Variants in ATAD1 observed in about 807,000 individuals in gnomAD.
The protein encoded by ATAD1 is ATPase family AAA domain containing 1, also known as outer mitochondrial transmembrane helix translocase.
A neutral mutation model predicts 42.7 loss-of-function variants in ATAD1; 18 were observed. That is an observed-to-expected ratio of 0.42 (90% CI 0.29 to 0.63). ATAD1 has a LOEUF of 0.63. Ranked by LOEUF, ATAD1 falls within the 20% of genes least tolerant of loss-of-function variation. ATAD1 has a pLI of 0.19. For synonymous variants in ATAD1, 132 were observed against 143.1 expected (o/e 0.92, Z 0.55); for missense variants, 294 against 440.4 (o/e 0.67, Z 2.98).
At chr10:87,799,793 TTA>T (rs142581488) in intron 2 of ATAD1, among the ~76,000 whole-genome samples, 39,591 of 145,106 alleles carry the variant, frequency 0.27, 5,318 homozygotes, top group Middle Eastern at 0.29. Flanking sequence ...ATTTTTTTTT[TTA>T]AAAAGTGTGT....
At chr10:87,774,802 A>T (rs921458668) in intron 6 of ATAD1, among the ~76,000 whole-genome samples, 1 of 151,932 alleles carries the variant, frequency 6.6e-6, no homozygotes, top group Non-Finnish European at 1.5e-5. Flanking sequence ...AAAACACCAA[A>T]ATTAGCCAGG....
intron 4 of ATAD1, among the ~76,000 whole-genome samples, chr10:87,789,982 G>GAAAAC (rs895537103): frequency 1.8e-3 from 269 of 152,108 alleles, no homozygotes; most frequent in African/African-American, 6.3e-3. Context: ...GTCTTGGCTT[G>GAAAAC]AAAACAAAAC....
chr10:87,819,261 TA>T (rs2132088552), upstream of ATAD1: 1 of 12,942 alleles, frequency 7.7e-5, no homozygotes, highest in East Asian at 1.1e-3. Flanking sequence ...AAATCGTCTC[TA>T]CAAAAAAAAA....
At chr10:87,796,237 T>C (rs1315641201) in intron 2 of ATAD1, among the ~76,000 whole-genome samples, 1 of 152,164 alleles carries the variant, frequency 6.6e-6, no homozygotes, top group Non-Finnish European at 1.5e-5. Context: ...CTTTGTACTG[T>C]AAAAGGAAAA....
intron 2 of ATAD1, among the ~76,000 whole-genome samples, chr10:87,807,472 A>G (rs929881639): frequency 6.6e-6 from 1 of 152,186 alleles, no homozygotes; most frequent in African/African-American, 2.4e-5. Flanking sequence ...CAGACTTAAA[A>G]CTTTACAACC....
Position 87,802,219 on chromosome 10 carries a change from T to C in ATAD1, c.163-9464A>G, listed in dbSNP as rs189604584. Among the ~76,000 whole-genome samples, 658 of 152,328 alleles carry C rather than the reference T, an allele frequency of 4.3e-3. 2 individuals carry two copies. The highest frequency in any genetic ancestry group is 7.0e-3 in the Non-Finnish European group (473 of 68,022). ...TACCAAGGCTTTGACTGGAATGGTG[T>C]GCTTTCCTTTAAGGAATCAAACTTG... On this transcript the variant is annotated intron_variant, in intron 2 of 9. Coordinates refer to ENST00000680024, the MANE Select transcript of ATAD1 (RefSeq NM_001321967.2).
At chr10:87,778,415 T>C (rs1293829982) in intron 5 of ATAD1, among the ~76,000 whole-genome samples, 1 of 152,106 alleles carries the variant, frequency 6.6e-6, no homozygotes, top group Admixed American at 6.5e-5. Flanking sequence ...GGACCAGAAG[T>C]GTTTCAAATT....
At chr10:87,769,291 T>C (rs934348275) in intron 7 of ATAD1, among the ~76,000 whole-genome samples, 21 of 152,132 alleles carry the variant, frequency 1.4e-4, no homozygotes, top group African/African-American at 4.8e-4. Flanking sequence ...TCTCCATCTA[T>C]ATTCCTTGGT....
At chr10:87,819,606 C>T (rs1857587329), upstream of ATAD1, among the ~76,000 whole-genome samples, 1 of 152,126 alleles carries the variant, frequency 6.6e-6, no homozygotes, top group Non-Finnish European at 1.5e-5. Context: ...CCAAAATCCT[C>T]TAAAATAGCT....
At chr10:87,795,572 C>G (rs1856346673) in intron 2 of ATAD1, among the ~76,000 whole-genome samples, 1 of 150,650 alleles carries the variant, frequency 6.6e-6, no homozygotes, top group South Asian at 2.1e-4. Context: ...GGAAAACTTA[C>G]TTTTTACTGT....
At chr10:87,806,237 C>T (rs1034933983) in intron 2 of ATAD1, among the ~76,000 whole-genome samples, 1 of 151,950 alleles carries the variant, frequency 6.6e-6, no homozygotes, top group African/African-American at 2.4e-5. Flanking sequence ...ATCACCAGTA[C>T]CCTAAACATC....
chr10:87,781,146 T>A (rs769445591), intron 5 of ATAD1, among the ~76,000 whole-genome samples: 16 of 152,050 alleles, frequency 1.1e-4, no homozygotes, highest in Non-Finnish European at 1.8e-4. Flanking sequence ...CCTAAAGCCA[T>A]CTAATGTTAC....
chr10:87,797,876 TGA>T (rs919973736), intron 2 of ATAD1, among the ~76,000 whole-genome samples: 12 of 152,170 alleles, frequency 7.9e-5, no homozygotes, highest in African/African-American at 2.9e-4. Flanking sequence ...CACATTTGTG[TGA>T]GGAACTGAAC....
At chr10:87,810,239 C>G (rs1360446362) in intron 2 of ATAD1, among the ~76,000 whole-genome samples, 1 of 151,612 alleles carries the variant, frequency 6.6e-6, no homozygotes, top group Non-Finnish European at 1.5e-5. Context: ...GCACTATAGC[C>G]AGGAAATGTT....
intron 7 of ATAD1, 34 bp from the exon 8 acceptor site, chr10:87,767,757 AT>A (rs747492106): frequency 1.9e-6 from 3 of 1,563,984 alleles, no homozygotes; most frequent in Admixed American, 1.9e-5. Flanking sequence ...TAGCATTTTT[AT>A]TTTTTATTTT....
intron 9 of ATAD1, among the ~76,000 whole-genome samples, chr10:87,755,849 C>A (rs1330775478): frequency 6.6e-6 from 1 of 151,874 alleles, no homozygotes; most frequent in African/African-American, 2.4e-5. Flanking sequence ...TTGCAGTGAG[C>A]CGAGATCACA....
upstream of ATAD1, among the ~76,000 whole-genome samples, chr10:87,821,282 C>T (rs554719305): frequency 1.3e-3 from 201 of 152,162 alleles, 4 homozygotes; most frequent in Admixed American, 0.011. Flanking sequence ...AATCCCAGCA[C>T]TTTGGGAGGC....
chr10:87,772,953 T>C (rs1406835651), intron 6 of ATAD1, among the ~76,000 whole-genome samples: 1 of 152,180 alleles, frequency 6.6e-6, no homozygotes, highest in Non-Finnish European at 1.5e-5. Flanking sequence ...GTTCAAACTT[T>C]TAAAAAAATC....
In ATAD1 at chr10:87,782,103, A is replaced by G. The variant is rs559308673; in HGVS notation, c.583+2367T>C. 1.1e-4 allele frequency among the ~76,000 whole-genome samples: 16 copies of G among 152,346 alleles called. No individual in the cohort carries two copies. The South Asian group carries it at 3.3e-3, about 32-fold the overall frequency. ...AGACCTAGAAAAAAACCATACTTAAATAGCAGAATGACATGAAAATCTAAC... is the reference window on the plus strand; with the variant it reads ...AGACCTAGAAAAAAACCATACTTAAGTAGCAGAATGACATGAAAATCTAAC... On this transcript the variant is annotated intron_variant, in intron 5 of 9. Coordinates refer to ENST00000680024, the MANE Select transcript of ATAD1 (RefSeq NM_001321967.2).
Sources: gnomAD v4.1 joint callset for allele counts (sites outside exome capture counted in the v4.1 genomes callset) on GRCh38, gnomAD v4.1.1 for gene constraint, MANE v1.5 for transcripts, NCBI Gene and HGNC (gene_info 2026-07-23, HGNC 2026-07-21) for gene names.